Variants in CPPED1 observed in about 807,000 individuals in gnomAD.
The protein encoded by CPPED1 is serine/threonine-protein phosphatase CPPED1.
A neutral mutation model predicts 28.0 loss-of-function variants in CPPED1; 28 were observed. The ratio of observed to expected loss-of-function variants is 1.00; its 90% CI spans 0.74 to 1.37. The LOEUF (loss-of-function observed/expected upper bound fraction) is 1.37, where lower values mean the gene tolerates loss of function less well. CPPED1 is among the 40% of genes most tolerant of loss of function. CPPED1 has a pLI of 0.00. For missense variants in CPPED1, 504 were observed against 416.5 expected, an observed-to-expected ratio of 1.21 and a Z score of -1.83; for synonymous variants, 198 against 180.2, an observed-to-expected ratio of 1.10 and a Z score of -0.79.
At chr16:12,796,066 G>C (rs1447745028) in intron 1 of CPPED1, among the ~76,000 whole-genome samples, 1 of 150,904 alleles carries the variant, frequency 6.6e-6, no homozygotes, top group African/African-American at 2.5e-5. Context: ...CTGGGCGATA[G>C]AGCAAGACTT....
intron 1 of CPPED1, among the ~76,000 whole-genome samples, chr16:12,802,520 G>A (rs2080666777): frequency 6.6e-6 from 1 of 152,216 alleles, no homozygotes; most frequent in Non-Finnish European, 1.5e-5. Context: ...AGAATCGCTT[G>A]AACCCGGGAG....
intron 1 of CPPED1, among the ~76,000 whole-genome samples, chr16:12,788,976 C>A (rs1344208743): frequency 2.0e-5 from 3 of 152,214 alleles, no homozygotes; most frequent in African/African-American, 7.2e-5. Flanking sequence ...CCAGAGATTA[C>A]AAACTCGACG....
Position 12,670,125 on chromosome 16 carries a change from C to G in CPPED1, c.716-5010G>C, listed in dbSNP as rs998267623. 6.6e-6 allele frequency among the ~76,000 whole-genome samples: 1 copy of G among 152,080 alleles called. No individual in the cohort carries two copies. On this transcript the variant is annotated intron_variant, in intron 3 of 3. Coordinates refer to ENST00000381774, the MANE Select transcript of CPPED1 (RefSeq NM_018340.3). This position sits in a 1 kb window ranked among gnomAD's most constrained non-coding sequence, Gnocchi z 4.2. ...CAGCCTGGGCAACACAGTGAGATCC[C>G]GTCTCTACAAAACATTACAAAATTA... is the stretch of plus-strand genomic sequence containing the variant.
intron 2 of CPPED1, chr16:12,780,967 T>C (rs2080526824): frequency 1.6e-5 from 9 of 572,224 alleles, no homozygotes; most frequent in Non-Finnish European, 2.8e-5. Flanking sequence ...ATCAGAACTG[T>C]AGCTGTGCCT....
intron 2 of CPPED1, among the ~76,000 whole-genome samples, chr16:12,724,670 A>C (rs2080159954): frequency 1.3e-5 from 2 of 152,224 alleles, no homozygotes; most frequent in Admixed American, 1.3e-4. Context: ...GAACATTTCA[A>C]GACTAATTCT....
chr16:12,704,501 C>G (rs2080037161), intron 3 of CPPED1, 123 bp downstream of exon 3: 2 of 1,016,444 alleles, frequency 2.0e-6, no homozygotes. Flanking sequence ...GAGCTGGTAT[C>G]AGAACTCCCG....
chr16:12,764,063 A>G (rs925706724), intron 2 of CPPED1, among the ~76,000 whole-genome samples: 20 of 149,924 alleles, frequency 1.3e-4, no homozygotes, highest in African/African-American at 4.4e-4. Context: ...AAAGCTACAC[A>G]TGCAAGTGTA....
At chr16:12,803,604 G>T in intron 1 of CPPED1, 103 bp downstream of exon 1, 1 of 1,042,424 alleles carries the variant, frequency 9.6e-7, no homozygotes, top group Non-Finnish European at 1.3e-6. Context: ...GTGCAGCCCC[G>T]GATGGTGTCC....
rs897359218 is a variant in CPPED1, at chr16:12,665,025, C to T, written c.806G>A (p.Cys269Tyr). Residue 269 changes from cysteine (C) to tyrosine (Y), a missense_variant, in exon 4 of 4, where the codon TGC becomes TAC. Cys to Tyr is a radical substitution (Grantham distance 194). Coordinates refer to ENST00000381774, the MANE Select transcript of CPPED1 (RefSeq NM_018340.3). ...CCCGTGGGGGTCTCTGCCCAGCTGG[C>T]ATCCAATGGCAGATGACACCACCAT... ...LDMVVSSAIG[C>Y]QLGRDPHGLR... 3 of 1,609,890 alleles carry T rather than the reference C, an allele frequency of 1.9e-6. No homozygotes were observed. Among genetic ancestry groups the T allele is most frequent in the Non-Finnish European group, 2.5e-6 (3 of 1,178,690 alleles).
At chr16:12,692,577 C>T (rs1201921306) in intron 3 of CPPED1, among the ~76,000 whole-genome samples, 1 of 152,198 alleles carries the variant, frequency 6.6e-6, no homozygotes, top group Non-Finnish European at 1.5e-5. Flanking sequence ...GATGACTCTG[C>T]CTCTAGGACC....
intron 2 of CPPED1, among the ~76,000 whole-genome samples, chr16:12,719,849 T>A (rs924986114): frequency 2.6e-5 from 4 of 151,976 alleles, no homozygotes; most frequent in African/African-American, 9.7e-5. Context: ...GGCAGGAGAA[T>A]TGCTTGAACC....
intron 3 of CPPED1, among the ~76,000 whole-genome samples, chr16:12,678,665 T>G (rs779398526): frequency 6.6e-6 from 1 of 152,222 alleles, no homozygotes; most frequent in Admixed American, 6.5e-5. Flanking sequence ...AATTGAATTA[T>G]TTTTGTAATT....
At chr16:12,703,212 G>T (rs577618250) in intron 3 of CPPED1, among the ~76,000 whole-genome samples, 21 of 152,128 alleles carry the variant, frequency 1.4e-4, no homozygotes, top group Non-Finnish European at 2.2e-4. Context: ...CGACTTAATA[G>T]AAGTTTTCTA....
At chr16:12,782,677 T>C (rs926607166) in intron 1 of CPPED1, among the ~76,000 whole-genome samples, 4 of 150,950 alleles carry the variant, frequency 2.6e-5, no homozygotes, top group African/African-American at 4.9e-5. Context: ...CTGGGCAACA[T>C]AGTGAAACCC....
rs147757532 is a variant in CPPED1, at chr16:12,781,094, G to A, written c.289+91C>T. 9.9e-3 allele frequency: 10,913 copies of A among 1,102,420 alleles called. 85 individuals are homozygous for A. The highest frequency in any genetic ancestry group is 0.013 in the Non-Finnish European group (9,610 of 750,420). 68.3% of individuals were successfully genotyped at this position (1,102,420 alleles called of 1,614,324 possible). A position where few individuals can be genotyped will look rare whatever the true frequency, so the allele number is the denominator to read the frequency against. On this transcript the variant is annotated intron_variant, in intron 2 of 3. Transcript: ENST00000381774. ...GAACGGTCCATGACTGAGCAAAGAT[G>A]CCTTCGAAGCAAAATCTTTTTTTCT...
At chr16:12,691,020 G>A (rs1011294465) in intron 3 of CPPED1, among the ~76,000 whole-genome samples, 7 of 152,318 alleles carry the variant, frequency 4.6e-5, no homozygotes, top group African/African-American at 1.4e-4. Context: ...CAGCACCCGT[G>A]CCCACGGTGC....
intron 2 of CPPED1, among the ~76,000 whole-genome samples, chr16:12,764,607 G>A (rs1204950720): frequency 1.3e-5 from 2 of 152,208 alleles, no homozygotes; most frequent in Non-Finnish European, 2.9e-5. Context: ...CCAAAGTGCT[G>A]AGATTACAGG....
chr16:12,796,248 C>T (rs1302087116), intron 1 of CPPED1, among the ~76,000 whole-genome samples: 2 of 151,978 alleles, frequency 1.3e-5, no homozygotes, highest in Non-Finnish European at 2.9e-5. Flanking sequence ...AATCCCAGCA[C>T]TTTGGGAGGC....
At chr16:12,766,319 T>C (rs1465472981) in intron 2 of CPPED1, among the ~76,000 whole-genome samples, 2 of 150,060 alleles carry the variant, frequency 1.3e-5, no homozygotes, top group Non-Finnish European at 2.9e-5. Flanking sequence ...AGCTGGGTAT[T>C]GTATTAGTAC....
Sources: gnomAD v4.1 joint callset for allele counts (sites outside exome capture counted in the v4.1 genomes callset) on GRCh38, gnomAD v4.1.1 for gene constraint, Gnocchi (gnomAD v3.1) non-coding constraint, MANE v1.5 for transcripts, NCBI Gene and HGNC (gene_info 2026-07-23, HGNC 2026-07-21) for gene names.